Variants in RDH5 observed in about 807,000 individuals in gnomAD.
The protein encoded by RDH5 is retinol dehydrogenase 5, also known as 11-cis RDH.
In RDH5, 25 loss-of-function variants were observed where a neutral mutation model predicts 24.0. That is an observed-to-expected ratio of 1.04 (90% CI 0.76 to 1.46). The LOEUF is 1.46. Among genes scored for constraint, RDH5 ranks in the 40% most tolerant of loss-of-function variants. The probability of loss-of-function intolerance (pLI) is 0.00; values close to 1 mark genes in which losing one functional copy is unlikely to be tolerated. For missense variants in RDH5, 369 were observed against 410.3 expected, an observed-to-expected ratio of 0.90 and a Z score of 0.87; for synonymous variants, 170 against 175.2, an observed-to-expected ratio of 0.97 and a Z score of 0.23.
In RDH5 at chr12:55,724,685, G is replaced by A; in HGVS notation, c.*140G>A. 1 of 853,732 alleles carries A rather than the reference G, an allele frequency of 1.2e-6. No homozygotes were observed. The allele number at this position is 853,732 out of a possible 1,614,324, so 52.9% of individuals were successfully genotyped here. Reference sequence around the variant, plus strand: ...TGTTTAAAAAATAAAAAGAAGGTGGGCAGAAATGTGCCCAGTGGAAGGCTG... The same window carrying A: ...TGTTTAAAAAATAAAAAGAAGGTGGACAGAAATGTGCCCAGTGGAAGGCTG... On this transcript the variant is annotated 3_prime_UTR_variant, in exon 5 of 5. Coordinates refer to ENST00000257895, the MANE Select transcript of RDH5 (RefSeq NM_002905.5).
At position 55,723,916 on chromosome 12, in the gene RDH5, C is replaced by G. The variant is rs13193; in HGVS notation, c.600C>G (p.Val200=). The G allele has an allele frequency of 0.052, 84,468 of 1,613,962 alleles. 6,787 individuals are homozygous for G. Among genetic ancestry groups the G allele is most frequent in the African/African-American group, 0.34 (25,558 of 74,968 alleles). ...ATGTAGCTCATTTTGGGATACGAGT[C>G]TCCATCGTGGAGCCTGGCTTCTTCC... is the stretch of plus-strand genomic sequence containing the variant. The part of the protein sequence containing the change: ...RRDVAHFGIR[V]SIVEPGFFRT... Residue 200 remains valine, a synonymous_variant, in exon 4 of 5, where the codon GTC becomes GTG. Transcript: ENST00000257895.
chr12:55,724,507 A>G lies in RDH5; in HGVS notation c.919A>G (p.Thr307Ala). The change falls in exon 5 of 5, where the codon ACC (threonine) becomes GCC (alanine). Residue 307 changes from threonine (T) to alanine (A), a missense_variant. Thr to Ala is a moderately conservative substitution (Grantham distance 58). Coordinates refer to ENST00000257895, the MANE Select transcript of RDH5 (RefSeq NM_002905.5). ...AGCCAGCCTGGTGGATGCTGTGCTC[A>G]CCTGGGTCCTTCCCAAGCCTGCCCA... ...LPASLVDAVL[T>A]WVLPKPAQAV... 6.2e-7 allele frequency: 1 copy of G among 1,613,110 alleles called. No individual in the cohort carries two copies. The highest frequency in any genetic ancestry group is 1.3e-5 in the African/African-American group (1 of 75,018).
At position 55,721,376 on chromosome 12, in the gene RDH5, G is replaced by T; in HGVS notation, c.192G>T (p.Gly64=). 1 of 1,613,954 alleles carries T rather than the reference G, an allele frequency of 6.2e-7. No homozygotes were observed. Among genetic ancestry groups the T allele is most frequent in the Non-Finnish European group, 8.5e-7 (1 of 1,180,024 alleles). ...RVLASCLTPS[G]AEDLQRVASS... ...TGGCCAGCTGCCTGACCCCCTCCGG[G>T]GCCGAGGACCTGCAGCGGGTGGCCT... The change falls in exon 2 of 5, where the codon GGG becomes GGT. Residue 64 remains glycine, a synonymous_variant. Coordinates refer to ENST00000257895, the MANE Select transcript of RDH5 (RefSeq NM_002905.5). The surrounding 1 kb of genome is among the most constrained non-coding windows in gnomAD (Gnocchi z 4.7).
intron 3 of RDH5, chr12:55,722,611 C>T (rs558653322): frequency 6.6e-6 from 1 of 151,742 alleles, no homozygotes; most frequent in Non-Finnish European, 1.5e-5. Context: ...TCTCAGCTCA[C>T]TGCAACCCCT....
chr12:55,723,963 A>G lies in RDH5; in HGVS notation c.647A>G (p.Glu216Gly), dbSNP rs1294762250. Residue 216 changes from glutamate (E) to glycine (G), a missense_variant, in exon 4 of 5, where the codon GAG becomes GGG. Transcript: ENST00000257895. The stretch of plus-strand genomic sequence containing the variant: ...TTCCGAACCCCTGTGACCAACCTGG[A>G]GAGTCTGGAGAAAACCCTGCAGGCC... ...GFFRTPVTNLESLEKTLQACW... is the reference protein window; with the variant it reads ...GFFRTPVTNLGSLEKTLQACW... The G allele has an allele frequency of 6.2e-7, 1 of 1,614,088 alleles. No individual in the cohort carries two copies.
rs1242017529 is a variant in RDH5 at position 55,721,258 on chromosome 12, C to T, written c.74C>T (p.Pro25Leu). The T allele has an allele frequency of 1.9e-6, 3 of 1,614,088 alleles. No individual in the cohort carries two copies. Among genetic ancestry groups the T allele is most frequent in the Admixed American group, 1.7e-5 (1 of 60,020 alleles). ...LWLLRDRQSL[P>L]ASNAFVFITG... is the part of the protein sequence containing the mutation. ...TTGCTCAGGGACCGGCAGAGCCTGCCCGCCAGCAATGCCTTTGTCTTCATC... is the reference window on the plus strand; with the variant it reads ...TTGCTCAGGGACCGGCAGAGCCTGCTCGCCAGCAATGCCTTTGTCTTCATC... The change falls in exon 2 of 5, where the codon CCC becomes CTC. Residue 25 changes from proline to leucine, a missense_variant. Transcript: ENST00000257895. The surrounding 1 kb of genome is among the most constrained non-coding windows in gnomAD (Gnocchi z 4.7).
In RDH5 at chr12:55,723,947, CCT is replaced by C. The variant is rs763855790; in HGVS notation, c.632_633del (p.Pro211ArgfsTer47). On this transcript the variant is annotated frameshift_variant, in exon 4 of 5. Transcript: ENST00000257895. LOFTEE classifies it high-confidence loss of function. Reference sequence around the variant, plus strand: ...CGTGGAGCCTGGCTTCTTCCGAACCCCTGTGACCAACCTGGAGAGTCTGGAGA... The same window carrying C: ...CGTGGAGCCTGGCTTCTTCCGAACCCGTGACCAACCTGGAGAGTCTGGAGA... ...SIVEPGFFRT[P>X]VTNLESLEKT... is the part of the protein sequence containing the mutation. The C allele has an allele frequency of 5.0e-6, 8 of 1,614,032 alleles. No homozygotes were observed. In the South Asian group the frequency reaches 5.5e-5, roughly 11 times the overall value.
Position 55,723,978 on chromosome 12 carries a change from C to G in RDH5, c.662C>G (p.Thr221Ser). 6.2e-7 allele frequency: 1 copy of G among 1,614,038 alleles called. No individual in the cohort carries two copies. Among genetic ancestry groups the G allele is most frequent in the Non-Finnish European group, 8.5e-7 (1 of 1,180,048 alleles). The change falls in exon 4 of 5, where the codon ACC becomes AGC. Residue 221 changes from threonine to serine, a missense_variant. Transcript: ENST00000257895. ...PVTNLESLEK[T>S]LQACWARLPP... ...ACCAACCTGGAGAGTCTGGAGAAAA[C>G]CCTGCAGGCCTGCTGGGCACGGCTG...
At position 55,721,475 on chromosome 12, in the gene RDH5, G is replaced by A; in HGVS notation, c.291G>A (p.Glu97=). 6.2e-7 allele frequency: 1 copy of A among 1,609,846 alleles called. No homozygotes were observed. The highest frequency in any genetic ancestry group is 8.5e-7 in the Non-Finnish European group (1 of 1,180,014). ...QSVQQAAKWV[E]MHVKEAGLFG... The stretch of plus-strand genomic sequence containing the variant: ...TCCAGCAGGCAGCCAAGTGGGTGGA[G>A]ATGCACGTTAAGGAAGCAGGTAAGT... The change falls in exon 2 of 5, where the codon GAG becomes GAA. Residue 97 remains glutamate (E), a synonymous_variant. Transcript: ENST00000257895. The surrounding 1 kb of genome is among the most constrained non-coding windows in gnomAD (Gnocchi z 4.7).
In RDH5 at chr12:55,724,632, C is replaced by G. The variant is rs1302892178; in HGVS notation, c.*87C>G. 11 of 1,199,002 alleles carry G rather than the reference C, an allele frequency of 9.2e-6. No homozygotes were observed. In the Admixed American group the frequency reaches 2.0e-4, roughly 22 times the overall value. 74.3% of individuals were successfully genotyped at this position (1,199,002 alleles called of 1,614,324 possible). ...CACCCTGGTACTGCCTGGTGCCTGC[C>G]ACAAAATAAGCACTAACAAAAGTGT... is the stretch of plus-strand genomic sequence containing the variant. On this transcript the variant is annotated 3_prime_UTR_variant, in exon 5 of 5. Transcript: ENST00000257895.
Position 55,721,370 on chromosome 12 carries a change from C to T in RDH5, c.186C>T (p.Pro62=), listed in dbSNP as rs773514584. ...GFRVLASCLT[P]SGAEDLQRVA... Reference sequence around the variant, plus strand: ...GAGTCCTGGCCAGCTGCCTGACCCCCTCCGGGGCCGAGGACCTGCAGCGGG... The same window carrying T: ...GAGTCCTGGCCAGCTGCCTGACCCCTTCCGGGGCCGAGGACCTGCAGCGGG... The change falls in exon 2 of 5, where the codon CCC becomes CCT. Residue 62 remains proline (P), a synonymous_variant. Transcript: ENST00000257895. This position sits in a 1 kb window ranked among gnomAD's most constrained non-coding sequence, Gnocchi z 4.7. 3 of 1,613,984 alleles carry T rather than the reference C, an allele frequency of 1.9e-6. No homozygotes were observed. Among genetic ancestry groups the T allele is most frequent in the Admixed American group, 1.7e-5 (1 of 60,032 alleles).
rs2136138067 is a variant in RDH5, at chr12:55,720,629, G to T, written c.-33+112G>T. The T allele has an allele frequency of 2.6e-5, 4 of 154,710 alleles. 1 individual carries two copies. Among genetic ancestry groups the T allele is most frequent in the Admixed American group, 2.5e-4 (4 of 15,778 alleles). The allele number at this position is 154,710 out of a possible 1,614,324, so 9.6% of individuals were successfully genotyped here. Reference sequence around the variant, plus strand: ...TGCTTCCTCACACATTATCCCCTTTGATCCTCCACAACTCTGAGGTGGACC... The same window carrying T: ...TGCTTCCTCACACATTATCCCCTTTTATCCTCCACAACTCTGAGGTGGACC... On this transcript the variant is annotated intron_variant, in intron 1 of 4. Transcript: ENST00000257895.
Position 55,721,209 on chromosome 12 carries a change from G to T in RDH5, c.25G>T (p.Ala9Ser). 1 of 1,614,018 alleles carries T rather than the reference G, an allele frequency of 6.2e-7. No homozygotes were observed. Among genetic ancestry groups the T allele is most frequent in the Non-Finnish European group, 8.5e-7 (1 of 1,180,044 alleles). The change falls in exon 2 of 5, where the codon GCC becomes TCC. Residue 9 changes from alanine to serine, a missense_variant. Physicochemically the swap from Ala to Ser is moderately conservative, Grantham distance 99. Transcript: ENST00000257895. This position sits in a 1 kb window ranked among gnomAD's most constrained non-coding sequence, Gnocchi z 4.7. Reference protein sequence around the residue: MWLPLLLGALLWAVLWLLR... With the variant: MWLPLLLGSLLWAVLWLLR... ...TATGTGGCTGCCTCTTCTGCTGGGT[G>T]CCTTACTCTGGGCAGTGCTGTGGTT...
At chr12:55,724,180 G>A in intron 4 of RDH5, 131 bp downstream of exon 4, 2 of 1,453,470 alleles carry the variant, frequency 1.4e-6, no homozygotes, top group Non-Finnish European at 1.9e-6. Context: ...TGTTACAAGA[G>A]TGCCCAGGCC....
Position 55,721,976 on chromosome 12 carries a change from G to A in RDH5, c.569+29G>A, listed in dbSNP as rs773734048. On this transcript the variant is annotated intron_variant, in intron 3 of 4. Transcript: ENST00000257895. The surrounding 1 kb of genome is among the most constrained non-coding windows in gnomAD (Gnocchi z 4.7). ...AGGGGTACAGGGCTCTGGGTTCCAG[G>A]ACTAACAGCAGCCCACTCAACAAAC... is the stretch of plus-strand genomic sequence containing the variant. The A allele has an allele frequency of 1.2e-6, 2 of 1,608,214 alleles. No homozygotes were observed. The highest frequency in any genetic ancestry group is 1.1e-5 in the South Asian group (1 of 90,216).
At chr12:55,722,092 A>T in intron 3 of RDH5, 145 bp downstream of exon 3, 1 of 751,210 alleles carries the variant, frequency 1.3e-6, no homozygotes, top group Non-Finnish European at 2.1e-6. Flanking sequence ...AATGAAGTCT[A>T]CCCTTATGTA....
rs891950724 is a variant in RDH5 at position 55,724,559 on chromosome 12, G to C, written c.*14G>C. On this transcript the variant is annotated 3_prime_UTR_variant, in exon 5 of 5. Transcript: ENST00000257895. ...GCAGTCTACTGAATCCAGCCTTCCA[G>C]CAAGAGATTGTTTTTCAAGGACAAG... 6.2e-7 allele frequency: 1 copy of C among 1,605,056 alleles called. No homozygotes were observed. The highest frequency in any genetic ancestry group is 8.5e-7 in the Non-Finnish European group (1 of 1,177,714).
chr12:55,721,067 C>T lies in RDH5; in HGVS notation c.-32-86C>T. The T allele has an allele frequency of 1.1e-6, 1 of 905,876 alleles. No homozygotes were observed. Among genetic ancestry groups the T allele is most frequent in the Non-Finnish European group, 1.8e-6 (1 of 545,994 alleles). 56.1% of individuals were successfully genotyped at this position (905,876 alleles called of 1,614,324 possible). The stretch of plus-strand genomic sequence containing the variant: ...ACCAGATAATTTCTCAATATGCTCA[C>T]ACCAGATGCTTCCAGCTAGGGAGGG... On this transcript the variant is annotated intron_variant, in intron 1 of 4. Coordinates refer to ENST00000257895, the MANE Select transcript of RDH5 (RefSeq NM_002905.5). The surrounding 1 kb of genome is among the most constrained non-coding windows in gnomAD (Gnocchi z 4.7).
At position 55,724,663 on chromosome 12, in the gene RDH5, TTAAAAAA is replaced by T; in HGVS notation, c.*125_*131del. 1 of 997,508 alleles carries T rather than the reference TTAAAAAA, an allele frequency of 1.0e-6. No individual in the cohort carries two copies. Among genetic ancestry groups the T allele is most frequent in the South Asian group, 1.4e-5 (1 of 73,672 alleles). The allele number at this position is 997,508 out of a possible 1,614,324, so 61.8% of individuals were successfully genotyped here. ...ATAAGCACTAACAAAAGTGTATTGT[TTAAAAAA>T]TAAAAAGAAGGTGGGCAGAAATGTG... On this transcript the variant is annotated 3_prime_UTR_variant, in exon 5 of 5. Transcript: ENST00000257895.
Sources: gnomAD v4.1 joint callset for allele counts on GRCh38, gnomAD v4.1.1 for gene constraint, Gnocchi (gnomAD v3.1) non-coding constraint, MANE v1.5 for transcripts, NCBI Gene and HGNC (gene_info 2026-07-23, HGNC 2026-07-21) for gene names.